WDR59: variants seen among roughly 807,000 people sequenced by gnomAD.
The protein encoded by WDR59 is WD repeat domain 59.
Under a neutral mutation model 131.2 loss-of-function variants are expected in WDR59, and 100 were observed. The ratio of observed to expected loss-of-function variants is 0.76; its 90% CI spans 0.65 to 0.90. The LOEUF is 0.90. Ranked by LOEUF, WDR59 falls within the 40% of genes least tolerant of loss-of-function variation. The pLI, the probability that WDR59 is intolerant of heterozygous loss-of-function variation, is 0.00. For missense variants in WDR59, 1,203 were observed against 1,262.2 expected, an observed-to-expected ratio of 0.95 and a Z score of 0.71; for synonymous variants, 601 against 466.2, an observed-to-expected ratio of 1.29 and a Z score of -3.72.
At chr16:74,912,583 T>C (rs9922526) in intron 13 of WDR59, among the ~76,000 whole-genome samples, 148,537 of 152,260 alleles carry the variant, frequency 0.98, 72,563 homozygotes, top group East Asian at 1. Flanking sequence ...TCAAAGTTGC[T>C]GAGACCAGCT....
chr16:74,977,190 C>T (rs558300591), intron 1 of WDR59, among the ~76,000 whole-genome samples: 173 of 151,640 alleles, frequency 1.1e-3, no homozygotes, highest in Middle Eastern at 6.8e-3. Flanking sequence ...GCACCATGAT[C>T]GTGACTGTGA....
chr16:74,982,954 T>G (rs561436810), intron 1 of WDR59, among the ~76,000 whole-genome samples: 1 of 152,358 alleles, frequency 6.6e-6, no homozygotes, highest in East Asian at 1.9e-4. Flanking sequence ...CATGGTATAG[T>G]GTATACCTGA....
At chr16:74,903,051 T>C (rs1231514543) in intron 18 of WDR59, among the ~76,000 whole-genome samples, 42 of 152,196 alleles carry the variant, frequency 2.8e-4, no homozygotes, top group Non-Finnish European at 1.5e-5. Flanking sequence ...TGGTCAACTC[T>C]CAGTGTAAAC....
At chr16:74,905,103 C>T (rs1965733459) in intron 17 of WDR59, among the ~76,000 whole-genome samples, 4 of 152,184 alleles carry the variant, frequency 2.6e-5, no homozygotes, top group Non-Finnish European at 4.4e-5. Context: ...AGGCCAGGTG[C>T]GGTGGCTCAC....
At chr16:74,882,382 T>A (rs929702322) in intron 25 of WDR59, among the ~76,000 whole-genome samples, 4 of 152,208 alleles carry the variant, frequency 2.6e-5, no homozygotes, top group Non-Finnish European at 5.9e-5. Flanking sequence ...ATAATCCCTA[T>A]TAAAATAATC....
chr16:74,931,285 C>T (rs138636930), intron 8 of WDR59, among the ~76,000 whole-genome samples: 5 of 152,144 alleles, frequency 3.3e-5, no homozygotes, highest in Admixed American at 6.5e-5. Flanking sequence ...TACATTAAAT[C>T]GAATGAATGA....
At chr16:74,950,243 T>C (rs1409933237) in intron 4 of WDR59, among the ~76,000 whole-genome samples, 1 of 151,986 alleles carries the variant, frequency 6.6e-6, no homozygotes, top group Non-Finnish European at 1.5e-5. Flanking sequence ...TTGAGAATCA[T>C]TTGAACCTGG....
chr16:74,909,895 T>G lies in WDR59; in HGVS notation c.1412A>C (p.Gln471Pro), dbSNP rs1384069602. 1 of 1,612,628 alleles carries G rather than the reference T, an allele frequency of 6.2e-7. No individual in the cohort carries two copies. Among genetic ancestry groups the G allele is most frequent in the Non-Finnish European group, 8.5e-7 (1 of 1,179,916 alleles). Reference protein sequence around the residue: ...LLKILKDTALQKVKRGQSCLE... With the variant: ...LLKILKDTALPKVKRGQSCLE... ...GCAGCTCTGGCCACGCTTCACTTTC[T>G]GCAGGGCTGTGTCCTTCAGGATCTA... is the stretch of plus-strand genomic sequence containing the variant. Residue 471 changes from glutamine (Q) to proline (P), a missense_variant, in exon 15 of 26, where the codon CAG becomes CCG. Gln to Pro is a moderately conservative substitution (Grantham distance 76). Coordinates refer to ENST00000262144, the MANE Select transcript of WDR59 (RefSeq NM_030581.4).
Position 74,979,541 on chromosome 16 carries a change from G to GT in WDR59, c.54+5422dup, listed in dbSNP as rs962880749. 6.0e-5 allele frequency among the ~76,000 whole-genome samples: 9 copies of GT among 150,924 alleles called. No individual in the cohort carries two copies. In the South Asian group the frequency reaches 1.1e-3, roughly 18 times the overall value. ...CTGGAAGATTACCTGCAAGTTGTGT[G>GT]TTTTTTTTGTTTTTTTCAGATGGAG... is the stretch of plus-strand genomic sequence containing the variant. On this transcript the variant is annotated intron_variant, in intron 1 of 25. Coordinates refer to ENST00000262144, the MANE Select transcript of WDR59 (RefSeq NM_030581.4).
At chr16:74,949,044 G>T (rs780303231) in intron 5 of WDR59, among the ~76,000 whole-genome samples, 34 of 152,192 alleles carry the variant, frequency 2.2e-4, no homozygotes, top group Admixed American at 1.3e-3. Flanking sequence ...TACAGGCCAT[G>T]TACAATGGCT....
At position 74,965,793 on chromosome 16, in the gene WDR59, C is replaced by T. The variant is rs775473823; in HGVS notation, c.84G>A (p.Gly28=). ...CTTACCCAGAAAGCACTGCATGCTG[C>T]CCAAGACAGTCCACAGACATCGCAG... The part of the protein sequence containing the change: ...QATAMSVDCL[G]QHAVLSGRRF... Residue 28 remains glycine, a synonymous_variant, in exon 2 of 26, where the codon GGG becomes GGA. Transcript: ENST00000262144. 28 of 1,614,008 alleles carry T rather than the reference C, an allele frequency of 1.7e-5. No homozygotes were observed. Among genetic ancestry groups the T allele is most frequent in the Non-Finnish European group, 2.3e-5 (27 of 1,180,022 alleles).
At position 74,942,728 on chromosome 16, in the gene WDR59, G is replaced by C. The variant is rs754831768; in HGVS notation, c.534+10C>G. On this transcript the variant is annotated intron_variant, in intron 7 of 25. Transcript: ENST00000262144. Reference sequence around the variant, plus strand: ...AAAGACCAATAAGGGCGAAAAAAGAGATTACTCACCCTCTTATCCCATATC... The same window carrying C: ...AAAGACCAATAAGGGCGAAAAAAGACATTACTCACCCTCTTATCCCATATC... The C allele has an allele frequency of 5.6e-6, 9 of 1,613,394 alleles. No homozygotes were observed. The Admixed American group carries it at 1.2e-4, about 21-fold the overall frequency.
intron 3 of WDR59, among the ~76,000 whole-genome samples, chr16:74,952,304 T>C (rs1033498283): frequency 2.0e-5 from 3 of 151,572 alleles, no homozygotes. Flanking sequence ...TAGCCAGTCA[T>C]GGTGGTGCAT....
chr16:74,924,546 G>T (rs1246941930), intron 8 of WDR59, among the ~76,000 whole-genome samples: 2 of 152,180 alleles, frequency 1.3e-5, no homozygotes, highest in African/African-American at 4.8e-5. Context: ...ATCCATTCAA[G>T]TCCACACCTG....
intron 23 of WDR59, 42 bp from the exon 24 acceptor site, chr16:74,886,438 A>C (rs1403149687): frequency 6.2e-7 from 1 of 1,603,374 alleles, no homozygotes; most frequent in Non-Finnish European, 8.5e-7. Context: ...CAATCAGAGA[A>C]GGCATGGAAA....
At chr16:74,922,289 A>G (rs2030320947) in intron 9 of WDR59, among the ~76,000 whole-genome samples, 186 bp from the exon 10 acceptor site, 1 of 152,244 alleles carries the variant, frequency 6.6e-6, no homozygotes, top group African/African-American at 2.4e-5. Context: ...CTCTTTGCTT[A>G]TGGAAGGGAC....
At chr16:74,983,835 C>T (rs765653705) in intron 1 of WDR59, among the ~76,000 whole-genome samples, 2 of 151,786 alleles carry the variant, frequency 1.3e-5, no homozygotes, top group Admixed American at 6.6e-5. Context: ...AAAATTTAGT[C>T]GGGCGTGTTG....
intron 1 of WDR59, among the ~76,000 whole-genome samples, chr16:74,970,497 A>AAAAAAAAAAAAAAAG: frequency 3.5e-5 from 1 of 28,442 alleles, no homozygotes; most frequent in Non-Finnish European, 5.2e-5. Flanking sequence ...TCTGTCTCCA[A>AAAAAAAAAAAAAAAG]AAAAAAAAAA....
chr16:74,937,135 A>C (rs1482408376), intron 8 of WDR59, among the ~76,000 whole-genome samples: 1 of 152,258 alleles, frequency 6.6e-6, no homozygotes, highest in Non-Finnish European at 1.5e-5. Context: ...ACTGGAACAA[A>C]GATGACTCTG....
Sources: gnomAD v4.1 joint callset for allele counts (sites outside exome capture counted in the v4.1 genomes callset) on GRCh38, gnomAD v4.1.1 for gene constraint, MANE v1.5 for transcripts, NCBI Gene and HGNC (gene_info 2026-07-23, HGNC 2026-07-21) for gene names.